IMMP2L: variants seen among roughly 807,000 people sequenced by gnomAD.
The protein encoded by IMMP2L is inner mitochondrial membrane peptidase subunit 2, also known as mitochondrial inner membrane protease subunit 2.
Under a neutral mutation model 19.3 loss-of-function variants are expected in IMMP2L, and 18 were observed. That is an observed-to-expected ratio of 0.93 (90% CI 0.64 to 1.38). The LOEUF is 1.38. Ranked by LOEUF, IMMP2L falls within the 40% of genes most tolerant of loss-of-function variation. The pLI is 0.00. For missense variants in IMMP2L, 233 were observed against 218.2 expected (o/e 1.07, Z -0.43); for synonymous variants, 76 against 73.0 (o/e 1.04, Z -0.21).
At chr7:111,375,610 C>T (rs1187805216) in intron 3 of IMMP2L, among the ~76,000 whole-genome samples, 1 of 151,960 alleles carries the variant, frequency 6.6e-6, no homozygotes, top group Non-Finnish European at 1.5e-5. Flanking sequence ...ACTGCAACCT[C>T]CACTTCCCGG....
At chr7:111,301,410 T>G (rs1822226365) in intron 3 of IMMP2L, among the ~76,000 whole-genome samples, 1 of 151,748 alleles carries the variant, frequency 6.6e-6, no homozygotes, top group African/African-American at 2.4e-5. Flanking sequence ...TCTCCAAGCC[T>G]GCAGCTTTGT....
intron 3 of IMMP2L, among the ~76,000 whole-genome samples, chr7:111,066,853 A>G (rs1794551361): frequency 1.3e-5 from 2 of 152,164 alleles, no homozygotes; most frequent in African/African-American, 4.8e-5. Context: ...AATTTAATGT[A>G]AGGGTTTTGG....
chr7:111,245,980 C>G (rs1815613145), intron 3 of IMMP2L, among the ~76,000 whole-genome samples: 1 of 24,852 alleles, frequency 4.0e-5, no homozygotes, highest in Non-Finnish European at 5.8e-5. Context: ...CTAAAATTCT[C>G]TTTTTTTGTT....
intron 3 of IMMP2L, among the ~76,000 whole-genome samples, chr7:110,990,164 C>T (rs1325271640): frequency 6.6e-6 from 1 of 152,052 alleles, no homozygotes; most frequent in Non-Finnish European, 1.5e-5. Flanking sequence ...TAATTATATA[C>T]ATACTGTGAC....
At chr7:111,481,934 G>A (rs1842225875) in intron 3 of IMMP2L, among the ~76,000 whole-genome samples, 1 of 152,168 alleles carries the variant, frequency 6.6e-6, no homozygotes, top group African/African-American at 2.4e-5. Flanking sequence ...GCTTATGCCT[G>A]TAGTCCCAGC....
chr7:111,074,272 CACCT>C (rs1349507188), intron 3 of IMMP2L, among the ~76,000 whole-genome samples: 1 of 152,190 alleles, frequency 6.6e-6, no homozygotes, highest in Non-Finnish European at 1.5e-5. Context: ...GTCATCTTTC[CACCT>C]ACAATGATGA....
chr7:110,699,132 A>G (rs551674014), intron 5 of IMMP2L, among the ~76,000 whole-genome samples: 1 of 152,234 alleles, frequency 6.6e-6, no homozygotes, highest in South Asian at 2.1e-4. Context: ...ATTCTTCCCC[A>G]TAACTCCTCT....
intron 3 of IMMP2L, among the ~76,000 whole-genome samples, chr7:111,281,143 AAAGACAGAAAGAC>A (rs1819691419): frequency 1.6e-5 from 1 of 60,734 alleles, no homozygotes; most frequent in African/African-American, 8.5e-5. Flanking sequence ...AGAAAGACAG[AAAGACAGAAAGAC>A]AGAAAGAAAG....
intron 3 of IMMP2L, among the ~76,000 whole-genome samples, chr7:111,047,182 T>C (rs1445453127): frequency 7.0e-6 from 1 of 143,660 alleles, no homozygotes; most frequent in Admixed American, 6.7e-5. Context: ...TTTGTTTTTT[T>C]TTTGTTTTTT....
In IMMP2L at chr7:110,954,712, G is replaced by A. The variant is rs553972392; in HGVS notation, c.305+8788C>T. ...AAGGCAGTTTGAGTTCATAGTTTGTGCTCATGGCTTCTACATCACACCAAA... is the reference window on the plus strand; with the variant it reads ...AAGGCAGTTTGAGTTCATAGTTTGTACTCATGGCTTCTACATCACACCAAA... On this transcript the variant is annotated intron_variant, in intron 4 of 5. Coordinates refer to ENST00000405709, the MANE Select transcript of IMMP2L (RefSeq NM_032549.4). Among the ~76,000 whole-genome samples the A allele has an allele frequency of 4.6e-5, 7 of 152,200 alleles. No individual in the cohort carries two copies. The South Asian group carries it at 1.4e-3, about 32-fold the overall frequency.
At position 111,445,730 on chromosome 7, in the gene IMMP2L, C is replaced by G. The variant is rs556764359; in HGVS notation, c.239+41508G>C. On this transcript the variant is annotated intron_variant, in intron 3 of 5. Coordinates refer to ENST00000405709, the MANE Select transcript of IMMP2L (RefSeq NM_032549.4). ...CAAGATGGCCGAATAGGAACAGCTC[C>G]GGTCTACAGCTCCCAGCGTGAGTGA... Among the ~76,000 whole-genome samples the G allele has an allele frequency of 3.4e-4, 52 of 152,276 alleles. No homozygotes were observed. In the East Asian group the frequency reaches 9.3e-3, roughly 27 times the overall value.
intron 3 of IMMP2L, among the ~76,000 whole-genome samples, chr7:111,416,840 A>C (rs1228668796): frequency 6.6e-6 from 1 of 151,758 alleles, no homozygotes; most frequent in Non-Finnish European, 1.5e-5. Context: ...TAATCCCTAA[A>C]CAACATCCAA....
chr7:111,459,593 T>C (rs1839966744), intron 3 of IMMP2L, among the ~76,000 whole-genome samples: 3 of 152,124 alleles, frequency 2.0e-5, no homozygotes, highest in Non-Finnish European at 4.4e-5. Flanking sequence ...CTTTGAGCAA[T>C]GAAATACAAG....
At chr7:110,917,788 A>G (rs1813784739) in intron 4 of IMMP2L, among the ~76,000 whole-genome samples, 1 of 152,196 alleles carries the variant, frequency 6.6e-6, no homozygotes. Flanking sequence ...TTACAAAAGA[A>G]AAACATCAGT....
At chr7:110,784,498 A>C (rs1799942236) in intron 5 of IMMP2L, among the ~76,000 whole-genome samples, 1 of 151,926 alleles carries the variant, frequency 6.6e-6, no homozygotes, top group Non-Finnish European at 1.5e-5. Flanking sequence ...AAGCCACTAA[A>C]AGGATCTGCC....
At chr7:110,995,541 G>A (rs1822938947) in intron 3 of IMMP2L, among the ~76,000 whole-genome samples, 1 of 152,134 alleles carries the variant, frequency 6.6e-6, no homozygotes, top group South Asian at 2.1e-4. Flanking sequence ...TTCAATGACA[G>A]GAGATTTAAT....
At position 110,781,026 on chromosome 7, in the gene IMMP2L, T is replaced by G. The variant is rs971732853; in HGVS notation, c.408+105567A>C. ...TGGGGAAGATGCTAGAAGTTAAGATTTTACATATGTGTTCCATTTGTTAAC... is the reference window on the plus strand; with the variant it reads ...TGGGGAAGATGCTAGAAGTTAAGATGTTACATATGTGTTCCATTTGTTAAC... On this transcript the variant is annotated intron_variant, in intron 5 of 5. Coordinates refer to ENST00000405709, the MANE Select transcript of IMMP2L (RefSeq NM_032549.4). Among the ~76,000 whole-genome samples, 3 of 151,962 alleles carry G rather than the reference T, an allele frequency of 2.0e-5. No homozygotes were observed. In the South Asian group the frequency reaches 6.2e-4, roughly 31 times the overall value.
chr7:110,743,104 C>G (rs1019052023), intron 5 of IMMP2L, among the ~76,000 whole-genome samples: 2 of 152,184 alleles, frequency 1.3e-5, no homozygotes, highest in East Asian at 3.9e-4. Flanking sequence ...GAAAAGCTTA[C>G]TGAAAGTCAT....
At chr7:110,680,985 T>C (rs1195203445) in intron 5 of IMMP2L, among the ~76,000 whole-genome samples, 1 of 152,046 alleles carries the variant, frequency 6.6e-6, no homozygotes, top group Non-Finnish European at 1.5e-5. Flanking sequence ...CTAGTTTTCG[T>C]TGCAATTTTT....
Sources: gnomAD v4.1 joint callset for allele counts (sites outside exome capture counted in the v4.1 genomes callset) on GRCh38, gnomAD v4.1.1 for gene constraint, MANE v1.5 for transcripts, NCBI Gene and HGNC (gene_info 2026-07-23, HGNC 2026-07-21) for gene names.